The following DNAH14 variants were observed in gnomAD, a reference collection of about 807,000 sequenced individuals.
The protein encoded by DNAH14 is dynein axonemal heavy chain 14, also known as axonemal beta dynein heavy chain 14.
DNAH14 carries 478 observed loss-of-function variants against 520.9 expected under a neutral mutation model. That is an observed-to-expected ratio of 0.92 (90% CI 0.85 to 0.99). The LOEUF is 0.99. DNAH14 is among the 50% of genes least tolerant of loss of function. The pLI is 0.00. For missense variants in DNAH14, 4,831 were observed against 5,234.5 expected (o/e 0.92, Z 2.38); for synonymous variants, 1,581 against 1,757.2 (o/e 0.90, Z 2.51).
chr1:225,021,829 A>G (rs1211123306), intron 10 of DNAH14, among the ~76,000 whole-genome samples: 2 of 152,224 alleles, frequency 1.3e-5, no homozygotes, highest in South Asian at 2.1e-4. Context: ...TGCCAAAGCA[A>G]TCCAAAGCAA....
chr1:225,241,930 T>G (rs1415193733), intron 43 of DNAH14, among the ~76,000 whole-genome samples: 1 of 152,188 alleles, frequency 6.6e-6, no homozygotes, highest in Non-Finnish European at 1.5e-5. Flanking sequence ...TTTGTAAATT[T>G]TTCTTTCTTC....
At chr1:225,060,329 G>A (rs976771334) in intron 17 of DNAH14, among the ~76,000 whole-genome samples, 2 of 151,852 alleles carry the variant, frequency 1.3e-5, no homozygotes, top group East Asian at 1.9e-4. Context: ...TTGTGCATTC[G>A]TCACATAGTT....
intron 43 of DNAH14, among the ~76,000 whole-genome samples, chr1:225,243,520 T>C (rs2092095134): frequency 6.6e-6 from 1 of 152,134 alleles, no homozygotes; most frequent in East Asian, 1.9e-4. Flanking sequence ...AAAATTATTA[T>C]GACCTAACAC....
intron 21 of DNAH14, among the ~76,000 whole-genome samples, chr1:225,086,346 G>A (rs2073798342): frequency 1.3e-5 from 2 of 151,792 alleles, no homozygotes; most frequent in East Asian, 1.9e-4. Flanking sequence ...GTGTTAGCCA[G>A]GATGGTCTCG....
At chr1:225,314,813 G>C (rs543832650) in intron 60 of DNAH14, among the ~76,000 whole-genome samples, 1 of 152,216 alleles carries the variant, frequency 6.6e-6, no homozygotes, top group Non-Finnish European at 1.5e-5. Flanking sequence ...TCCACTGTTA[G>C]TCTGATGGGC....
chr1:225,270,021 A>T (rs2093264010), intron 49 of DNAH14, among the ~76,000 whole-genome samples: 1 of 152,164 alleles, frequency 6.6e-6, no homozygotes, highest in Admixed American at 6.5e-5. Context: ...ACACATGCAC[A>T]CGTATGTTTA....
At chr1:225,065,572 C>T (rs2070773070) in intron 17 of DNAH14, among the ~76,000 whole-genome samples, 1 of 151,930 alleles carries the variant, frequency 6.6e-6, no homozygotes, top group Non-Finnish European at 1.5e-5. Flanking sequence ...TTTATGAATT[C>T]CACTGTTTGA....
intron 81 of DNAH14, among the ~76,000 whole-genome samples, chr1:225,385,838 C>A (rs2095835364): frequency 6.6e-6 from 1 of 152,172 alleles, no homozygotes; most frequent in South Asian, 2.1e-4. Context: ...CCATCCCCAT[C>A]AAGCTACCAA....
intron 83 of DNAH14, among the ~76,000 whole-genome samples, chr1:225,392,035 A>G (rs1455666708): frequency 6.6e-6 from 1 of 152,082 alleles, no homozygotes; most frequent in African/African-American, 2.4e-5. Flanking sequence ...CTATCCCCAC[A>G]ACGAATACAG....
At chr1:225,234,470 G>C (rs1313617972) in intron 42 of DNAH14, among the ~76,000 whole-genome samples, 4 of 152,206 alleles carry the variant, frequency 2.6e-5, no homozygotes, top group Admixed American at 1.3e-4. Context: ...TTACAGGCGT[G>C]AGCCACTGTG....
intron 10 of DNAH14, among the ~76,000 whole-genome samples, chr1:225,012,090 G>C (rs780092670): frequency 6.6e-6 from 1 of 152,010 alleles, no homozygotes; most frequent in Admixed American, 6.6e-5. Context: ...GGCTGGTACC[G>C]GTTTTTCCTT....
rs2147805688 is a variant in DNAH14 at position 225,002,763 on chromosome 1, A to G, written c.831-20A>G. On this transcript the variant is annotated intron_variant, in intron 8 of 85. Coordinates refer to ENST00000682510, the MANE Select transcript of DNAH14 (RefSeq NM_001367479.1). ...CATTTTGAATGAGAGATATATCTGT[A>G]GAAATTTTTTAACTTTCAGGTCATT... The G allele has an allele frequency of 1.3e-6, 2 of 1,545,818 alleles. No homozygotes were observed. The highest frequency in any genetic ancestry group is 4.9e-5 in the East Asian group (2 of 40,688).
At position 225,206,972 on chromosome 1, in the gene DNAH14, C is replaced by T; in HGVS notation, c.6191C>T (p.Pro2064Leu). The stretch of plus-strand genomic sequence containing the variant: ...TATTTTGCTCCTTATTATTAGGATC[C>T]TGTTGATCTGGGATGGGAACCTTAT... ...VSRCAMVYMD[P>L]VDLGWEPYVK... Residue 2064 changes from proline (P) to leucine (L), a missense_variant, in exon 41 of 86, where the codon CCT becomes CTT. By Grantham distance (98) the Pro-to-Leu change is moderately conservative. Transcript: ENST00000682510. The T allele has an allele frequency of 6.7e-7, 1 of 1,485,398 alleles. No individual in the cohort carries two copies. The highest frequency in any genetic ancestry group is 8.9e-7 in the Non-Finnish European group (1 of 1,117,800). The allele number at this position is 1,485,398 out of a possible 1,614,324, so 92.0% of individuals were successfully genotyped here.
At chr1:225,239,207 A>G (rs528376258) in intron 42 of DNAH14, among the ~76,000 whole-genome samples, 1 of 152,104 alleles carries the variant, frequency 6.6e-6, no homozygotes, top group East Asian at 1.9e-4. Context: ...TCTTTCTGAG[A>G]TTCCTGGGGC....
At chr1:225,315,953 G>A (rs12744508) in intron 60 of DNAH14, among the ~76,000 whole-genome samples, 36,737 of 152,132 alleles carry the variant, frequency 0.24, 4,674 homozygotes, top group East Asian at 0.35. Context: ...TGCGGCCACA[G>A]CTGCCCCTTC....
At chr1:225,009,068 C>T (rs1247935232) in intron 10 of DNAH14, among the ~76,000 whole-genome samples, 1 of 152,154 alleles carries the variant, frequency 6.6e-6, no homozygotes, top group Non-Finnish European at 1.5e-5. Context: ...TGCATGTTCA[C>T]TCTGATGGTA....
chr1:225,335,377 G>GCACA lies in DNAH14; in HGVS notation c.10080+1871_10080+1872insCACA, dbSNP rs1558428069. Among the ~76,000 whole-genome samples the GCACA allele has an allele frequency of 5.4e-4, 39 of 72,424 alleles. 6 individuals are homozygous for GCACA. The highest frequency in any genetic ancestry group is 2.9e-3 in the African/African-American group (35 of 11,928). The allele number at this position is 72,424 out of a possible 152,430, so 47.5% of individuals were successfully genotyped here. On this transcript the variant is annotated intron_variant, in intron 66 of 85. Transcript: ENST00000682510. ...TGCATATACACGTGTACATGTGTGT[G>GCACA]TATATGCACATATACACATGTGTAC...
At chr1:224,997,073 A>G (rs773445649) in intron 8 of DNAH14, among the ~76,000 whole-genome samples, 3 of 152,070 alleles carry the variant, frequency 2.0e-5, no homozygotes, top group Non-Finnish European at 4.4e-5. Context: ...TGAGGGAGCT[A>G]TGCTGTTAGC....
rs563381872 is a variant in DNAH14, at chr1:225,333,433, C to A, written c.10007C>A (p.Thr3336Lys). Residue 3336 changes from threonine to lysine, a missense_variant, in exon 66 of 86, where the codon ACA (threonine) becomes AAA (lysine). Transcript: ENST00000682510. ...FRQLIVNKWE[T>K]FCIENGISLS... ...CAGTTGATTGTGAATAAATGGGAGA[C>A]ATTCTGCATTGAAAATGGCATTTCT... 1 of 1,551,278 alleles carries A rather than the reference C, an allele frequency of 6.4e-7. No individual in the cohort carries two copies. The highest frequency in any genetic ancestry group is 8.7e-7 in the Non-Finnish European group (1 of 1,146,844).
Sources: allele counts gnomAD v4.1 joint callset (sites outside exome capture counted in the v4.1 genomes callset), GRCh38; gene constraint gnomAD v4.1.1; transcripts MANE v1.5; gene names NCBI Gene and HGNC (gene_info 2026-07-23, HGNC 2026-07-21).